PPP2R2B: variants seen among roughly 807,000 people sequenced by gnomAD.
The protein encoded by PPP2R2B is protein phosphatase 2 regulatory subunit Bbeta, also known as serine/threonine-protein phosphatase 2A 55 kDa regulatory subunit B beta isoform.
PPP2R2B carries 5 observed loss-of-function variants against 46.0 expected under a neutral mutation model. The observed-to-expected ratio is 0.11, with a 90% confidence interval of 0.06 to 0.23. The LOEUF is 0.23. PPP2R2B is among the 10% of genes least tolerant of loss of function. PPP2R2B has a pLI of 1.00. For synonymous variants in PPP2R2B, 215 were observed against 206.7 expected, an observed-to-expected ratio of 1.04 and a Z score of -0.34; for missense variants, 367 against 575.0, an observed-to-expected ratio of 0.64 and a Z score of 3.70.
At chr5:146,701,019 G>A (rs779988898) in intron 3 of PPP2R2B, 26 bp downstream of exon 3, 7 of 1,559,506 alleles carry the variant, frequency 4.5e-6, no homozygotes, top group Admixed American at 1.7e-5. Context: ...GAAGAAAATG[G>A]GCATTTTGCA....
chr5:146,877,830 G>C (rs915766016), intron 2 of PPP2R2B, among the ~76,000 whole-genome samples, 172 bp downstream of exon 2: 3 of 152,162 alleles, frequency 2.0e-5, no homozygotes, highest in Non-Finnish European at 4.4e-5. Context: ...CTCGCCTCGC[G>C]GAGCCCGGAT....
chr5:147,014,451 G>A (rs1580804457), intron 1 of PPP2R2B, among the ~76,000 whole-genome samples: 1 of 151,912 alleles, frequency 6.6e-6, no homozygotes, highest in African/African-American at 2.4e-5. Flanking sequence ...GTTTATTGTG[G>A]CATTTTTCAC....
intron 1 of PPP2R2B, among the ~76,000 whole-genome samples, chr5:146,900,451 C>G (rs906472852): frequency 6.6e-6 from 1 of 152,112 alleles, no homozygotes; most frequent in African/African-American, 2.4e-5. Context: ...GCTACCTTGG[C>G]AAATTTCAAA....
chr5:146,700,243 G>A (rs1372914129), intron 3 of PPP2R2B, among the ~76,000 whole-genome samples: 1 of 152,096 alleles, frequency 6.6e-6, no homozygotes, highest in Non-Finnish European at 1.5e-5. Context: ...CTCAGAGGCA[G>A]GCAGTGGCAG....
intron 1 of PPP2R2B, among the ~76,000 whole-genome samples, chr5:146,980,853 A>C (rs1561554097): frequency 6.6e-6 from 1 of 152,162 alleles, no homozygotes; most frequent in South Asian, 2.1e-4. Context: ...AGTTAATTGC[A>C]TTATTTAAAA....
chr5:146,815,519 C>T (rs1003107744), intron 2 of PPP2R2B, among the ~76,000 whole-genome samples: 1 of 152,248 alleles, frequency 6.6e-6, no homozygotes, highest in African/African-American at 2.4e-5. Context: ...GGGTGGTAAA[C>T]TAAATGCCTT....
intron 2 of PPP2R2B, among the ~76,000 whole-genome samples, chr5:146,877,570 A>G (rs887971830): frequency 6.6e-6 from 1 of 152,096 alleles, no homozygotes; most frequent in Non-Finnish European, 1.5e-5. Context: ...TGGGCAGGAA[A>G]TGAAACCTTG....
At chr5:146,760,900 AAC>A (rs1195551864) in intron 2 of PPP2R2B, among the ~76,000 whole-genome samples, 1 of 152,230 alleles carries the variant, frequency 6.6e-6, no homozygotes, top group Non-Finnish European at 1.5e-5. Flanking sequence ...GCAGCCAAAA[AAC>A]ACATGAAAAA....
At chr5:147,002,110 T>G (rs988190278) in intron 1 of PPP2R2B, among the ~76,000 whole-genome samples, 12 of 152,182 alleles carry the variant, frequency 7.9e-5, no homozygotes, top group African/African-American at 2.7e-4. Flanking sequence ...GTCCCGCTTC[T>G]AAAAACCACT....
intron 1 of PPP2R2B, among the ~76,000 whole-genome samples, chr5:147,009,046 T>C (rs971126063): frequency 8.5e-5 from 13 of 152,150 alleles, no homozygotes; most frequent in African/African-American, 2.9e-4. Context: ...ATAAAATCCA[T>C]TGCTGCATTA....
At chr5:146,823,087 C>T (rs1300596917) in intron 2 of PPP2R2B, among the ~76,000 whole-genome samples, 3 of 152,232 alleles carry the variant, frequency 2.0e-5, no homozygotes, top group Middle Eastern at 3.2e-3. Flanking sequence ...CATGCTTCTT[C>T]TCCAGTTTGG....
chr5:146,948,049 C>T (rs1764539546), intron 1 of PPP2R2B, among the ~76,000 whole-genome samples: 1 of 151,850 alleles, frequency 6.6e-6, no homozygotes, highest in African/African-American at 2.4e-5. Flanking sequence ...CCCTACTCCT[C>T]TCAAGGCAAA....
intron 5 of PPP2R2B, among the ~76,000 whole-genome samples, chr5:146,663,422 C>G (rs1430810789): frequency 6.6e-6 from 1 of 152,148 alleles, no homozygotes; most frequent in African/African-American, 2.4e-5. Context: ...ACATATACAT[C>G]TTTTAACTTA....
intron 1 of PPP2R2B, among the ~76,000 whole-genome samples, chr5:146,956,598 C>G (rs1033945273): frequency 3.3e-5 from 5 of 152,190 alleles, no homozygotes; most frequent in South Asian, 2.1e-4. Context: ...GCCAAACACA[C>G]AGACCAGTCC....
intron 6 of PPP2R2B, among the ~76,000 whole-genome samples, chr5:146,644,526 T>C (rs1166830846): frequency 6.6e-6 from 1 of 152,156 alleles, no homozygotes; most frequent in Non-Finnish European, 1.5e-5. Flanking sequence ...TGGCTTAAAA[T>C]CATCTGTGAG....
At chr5:146,636,721 A>G (rs1209192612) in intron 7 of PPP2R2B, among the ~76,000 whole-genome samples, 2 of 152,242 alleles carry the variant, frequency 1.3e-5, no homozygotes, top group African/African-American at 4.8e-5. Flanking sequence ...AATACATGAC[A>G]GCATAAACTT....
chr5:146,840,203 T>C (rs1028623898), intron 2 of PPP2R2B, among the ~76,000 whole-genome samples: 1 of 152,238 alleles, frequency 6.6e-6, no homozygotes, highest in African/African-American at 2.4e-5. Flanking sequence ...GCTTGTCAAT[T>C]GCTGCCTGAT....
At chr5:146,910,787 T>A (rs936409792) in intron 1 of PPP2R2B, among the ~76,000 whole-genome samples, 4 of 152,184 alleles carry the variant, frequency 2.6e-5, no homozygotes, top group Non-Finnish European at 5.9e-5. Context: ...ATCATATTTT[T>A]AAAAAGAATA....
Position 146,588,487 on chromosome 5 carries a change from C to A in PPP2R2B, c.*1460G>T, listed in dbSNP as rs1347143859. Reference sequence around the variant, plus strand: ...CTCTCATCTCAAACCATTTACCCTGCACTAAATGGGAGTTAGGAGAAATGA... The same window carrying A: ...CTCTCATCTCAAACCATTTACCCTGAACTAAATGGGAGTTAGGAGAAATGA... On this transcript the variant is annotated 3_prime_UTR_variant, in exon 10 of 10. Transcript: ENST00000394411. 6.6e-6 allele frequency: 1 copy of A among 152,074 alleles called. No individual in the cohort carries two copies. The highest frequency in any genetic ancestry group is 1.9e-4 in the East Asian group (1 of 5,192). 9.4% of individuals were successfully genotyped at this position (152,074 alleles called of 1,614,324 possible).
Sources: gnomAD v4.1 joint callset for allele counts (sites outside exome capture counted in the v4.1 genomes callset) on GRCh38, gnomAD v4.1.1 for gene constraint, MANE v1.5 for transcripts, NCBI Gene and HGNC (gene_info 2026-07-23, HGNC 2026-07-21) for gene names.